Variants in CEP112 observed in about 807,000 individuals in gnomAD.
The protein encoded by CEP112 is centrosomal protein 112.
A neutral mutation model predicts 153.0 loss-of-function variants in CEP112; 127 were observed. The observed-to-expected ratio is 0.83, with a 90% confidence interval of 0.72 to 0.96. CEP112 has a LOEUF of 0.96. CEP112 is among the 40% of genes least tolerant of loss of function. The probability of loss-of-function intolerance (pLI) is 0.00; values close to 1 mark genes in which losing one functional copy is unlikely to be tolerated. For synonymous variants in CEP112, 358 were observed against 374.4 expected (o/e 0.96, Z 0.51); for missense variants, 1,089 against 1,101.2 (o/e 0.99, Z 0.16).
chr17:66,033,650 T>C (rs1441938616), intron 12 of CEP112, among the ~76,000 whole-genome samples: 1 of 152,254 alleles, frequency 6.6e-6, no homozygotes, highest in Admixed American at 6.5e-5. Flanking sequence ...AAATGTCATC[T>C]TGTGAAGGAA....
At chr17:66,025,769 C>A (rs2065174210) in intron 16 of CEP112, among the ~76,000 whole-genome samples, 2 of 151,986 alleles carry the variant, frequency 1.3e-5, no homozygotes, top group South Asian at 4.1e-4. Flanking sequence ...AAAAATAAAA[C>A]TACCATCTGA....
intron 17 of CEP112, among the ~76,000 whole-genome samples, chr17:65,989,452 A>C (rs2063519389): frequency 6.7e-6 from 1 of 150,086 alleles, no homozygotes; most frequent in Non-Finnish European, 1.5e-5. Flanking sequence ...AGGAGGGAGC[A>C]GGATGACAGT....
At chr17:65,707,850 T>C (rs1298549476) in intron 23 of CEP112, among the ~76,000 whole-genome samples, 2 of 152,254 alleles carry the variant, frequency 1.3e-5, no homozygotes, top group African/African-American at 4.8e-5. Flanking sequence ...CTTCATGTAC[T>C]GTGAAAGAAC....
chr17:65,812,963 A>C (rs1344392966), intron 21 of CEP112, among the ~76,000 whole-genome samples: 2 of 152,246 alleles, frequency 1.3e-5, no homozygotes, highest in Non-Finnish European at 2.9e-5. Context: ...GAGCAGAAAA[A>C]TATTCATACA....
At chr17:66,189,227 G>A (rs1014819687) in intron 1 of CEP112, among the ~76,000 whole-genome samples, 5 of 152,118 alleles carry the variant, frequency 3.3e-5, no homozygotes, top group African/African-American at 9.7e-5. Flanking sequence ...AAGGCCAGGC[G>A]CGTTGGCTCA....
chr17:65,893,288 ATTCAAATGTGACTAAT>A (rs2059541474), intron 20 of CEP112, among the ~76,000 whole-genome samples: 1 of 152,162 alleles, frequency 6.6e-6, no homozygotes, highest in Admixed American at 6.6e-5. Context: ...ATTAACTCAT[ATTCAAATGTGACTAAT>A]ACTTTCAGTA....
chr17:65,818,883 G>T (rs777673144), intron 21 of CEP112, among the ~76,000 whole-genome samples: 1 of 151,790 alleles, frequency 6.6e-6, no homozygotes, highest in Non-Finnish European at 1.5e-5. Flanking sequence ...CACACTAATA[G>T]TCACTCTATT....
chr17:65,854,218 A>G (rs912707026), intron 20 of CEP112, among the ~76,000 whole-genome samples: 1 of 152,232 alleles, frequency 6.6e-6, no homozygotes, highest in Non-Finnish European at 1.5e-5. Context: ...CAAATGTCAC[A>G]TTATGATGCT....
intron 11 of CEP112, among the ~76,000 whole-genome samples, chr17:66,058,166 G>A (rs954025280): frequency 6.7e-6 from 1 of 150,064 alleles, no homozygotes; most frequent in Non-Finnish European, 1.5e-5. Flanking sequence ...AGAAAAAAAA[G>A]CTTTACTAAT....
At chr17:65,874,446 A>G (rs2058758230) in intron 20 of CEP112, among the ~76,000 whole-genome samples, 2 of 152,160 alleles carry the variant, frequency 1.3e-5, no homozygotes, top group African/African-American at 2.4e-5. Flanking sequence ...AGCTGGACCA[A>G]TAACACTGAT....
At chr17:65,776,419 A>G (rs2053681752) in intron 21 of CEP112, among the ~76,000 whole-genome samples, 1 of 152,174 alleles carries the variant, frequency 6.6e-6, no homozygotes. Context: ...TATTTTTAGT[A>G]GAGATGGATG....
chr17:66,182,570 TCA>T (rs1192637803), intron 2 of CEP112, among the ~76,000 whole-genome samples: 9 of 152,180 alleles, frequency 5.9e-5, no homozygotes, highest in Non-Finnish European at 1.0e-4. Flanking sequence ...ACAGACAATC[TCA>T]CACCTACTAC....
At chr17:66,098,961 C>T (rs957058258) in intron 6 of CEP112, among the ~76,000 whole-genome samples, 33 of 152,096 alleles carry the variant, frequency 2.2e-4, no homozygotes, top group African/African-American at 7.2e-4. Context: ...CAAATACTGA[C>T]CTGTCAAAGA....
intron 21 of CEP112, among the ~76,000 whole-genome samples, chr17:65,776,073 G>A (rs1047076448): frequency 2.0e-5 from 3 of 152,120 alleles, no homozygotes; most frequent in Non-Finnish European, 4.4e-5. Context: ...CCAACCAATC[G>A]GCAACAGTCT....
intron 20 of CEP112, among the ~76,000 whole-genome samples, chr17:65,860,817 C>T (rs1568129369): frequency 6.6e-6 from 1 of 152,144 alleles, no homozygotes; most frequent in Admixed American, 6.5e-5. Flanking sequence ...ATGTTCATAG[C>T]AGCAATTTTC....
rs187493691 is a variant in CEP112, at chr17:66,019,662, A to G, written c.1656+7839T>C. On this transcript the variant is annotated intron_variant, in intron 16 of 26. Transcript: ENST00000535342. ...ATTATTTTAAACAAATCTTAGTTAC[A>G]GTGAAAACAACTAATATACATTAAC... is the stretch of plus-strand genomic sequence containing the variant. 2.0e-3 allele frequency among the ~76,000 whole-genome samples: 312 copies of G among 152,362 alleles called. 2 individuals are homozygous for G. Among genetic ancestry groups the G allele is most frequent in the Middle Eastern group, 3.4e-3 (1 of 294 alleles).
chr17:65,844,153 T>C (rs1396023960), intron 21 of CEP112, among the ~76,000 whole-genome samples: 2 of 152,160 alleles, frequency 1.3e-5, no homozygotes. Context: ...CACTTAAATA[T>C]ACAAATTAAA....
chr17:66,159,927 T>A (rs1204140979), intron 4 of CEP112, among the ~76,000 whole-genome samples: 2 of 151,888 alleles, frequency 1.3e-5, no homozygotes, highest in Admixed American at 6.6e-5. Flanking sequence ...GACATGACTG[T>A]ATATTTAGAA....
chr17:66,155,620 A>T (rs57343195), intron 4 of CEP112, among the ~76,000 whole-genome samples: 2 of 151,952 alleles, frequency 1.3e-5, no homozygotes, highest in African/African-American at 4.8e-5. Flanking sequence ...CCACCCCCAC[A>T]GAGCCCAACA....
Sources: gnomAD v4.1 joint callset for allele counts (sites outside exome capture counted in the v4.1 genomes callset) on GRCh38, gnomAD v4.1.1 for gene constraint, MANE v1.5 for transcripts, NCBI Gene and HGNC (gene_info 2026-07-23, HGNC 2026-07-21) for gene names.